The following MBNL2 variants were observed in gnomAD, a reference collection of about 807,000 sequenced individuals.
MBNL2 encodes the protein muscleblind like splicing regulator 2.
In MBNL2, 17 loss-of-function variants were observed where a neutral mutation model predicts 41.9. The observed-to-expected ratio is 0.41, with a 90% CI of 0.28 to 0.61. MBNL2 has a LOEUF of 0.61. Among genes scored for constraint, MBNL2 ranks in the 20% least tolerant of loss-of-function variants. MBNL2 has a pLI of 0.35. For synonymous variants in MBNL2, 195 were observed against 182.9 expected (o/e 1.07, Z -0.53); for missense variants, 336 against 505.6 (o/e 0.66, Z 3.22).
At chr13:97,356,081 T>G (rs913026776) in intron 5 of MBNL2, among the ~76,000 whole-genome samples, 1 of 152,352 alleles carries the variant, frequency 6.6e-6, no homozygotes, top group African/African-American at 2.4e-5. Context: ...AAACTCACTA[T>G]TTAAATTCAA....
intron 2 of MBNL2, among the ~76,000 whole-genome samples, chr13:97,307,092 G>C (rs1419432255): frequency 6.6e-6 from 1 of 152,140 alleles, no homozygotes; most frequent in East Asian, 1.9e-4. Flanking sequence ...TTTTCTGAAG[G>C]AGAGAAAGAA....
At chr13:97,195,660 T>G in the MBNL2 span, among the ~76,000 whole-genome samples, 1 of 152,294 alleles carries the variant, frequency 6.6e-6, no homozygotes, top group South Asian at 2.1e-4. Flanking sequence ...GGTACTAAAA[T>G]TATACATAAT....
At chr13:97,142,068 G>C in the MBNL2 span, among the ~76,000 whole-genome samples, 1 of 152,112 alleles carries the variant, frequency 6.6e-6, no homozygotes, top group Non-Finnish European at 1.5e-5. Context: ...ACTAGCAACC[G>C]ATAGAAATTG....
At chr13:97,332,579 T>G (rs1419955501) in intron 2 of MBNL2, among the ~76,000 whole-genome samples, 1 of 152,166 alleles carries the variant, frequency 6.6e-6, no homozygotes, top group East Asian at 1.9e-4. Flanking sequence ...ATTAAAAATT[T>G]TAAAAAGATT....
At chr13:97,378,534 G>A (rs191267474) in intron 8 of MBNL2, among the ~76,000 whole-genome samples, 3 of 152,272 alleles carry the variant, frequency 2.0e-5, no homozygotes, top group Admixed American at 1.3e-4. Flanking sequence ...TGATTAACAT[G>A]AATTGACAGT....
the MBNL2 span, among the ~76,000 whole-genome samples, chr13:97,211,938 T>A: frequency 2.0e-5 from 3 of 152,162 alleles, no homozygotes; most frequent in African/African-American, 7.2e-5. Context: ...ATGAATCTAC[T>A]GGGAAAGAGA....
At chr13:97,249,641 G>C (rs1455483028) in intron 1 of MBNL2, among the ~76,000 whole-genome samples, 1 of 152,144 alleles carries the variant, frequency 6.6e-6, no homozygotes, top group Admixed American at 6.6e-5. Context: ...TTAACATGCT[G>C]ATACATAAAT....
chr13:97,213,922 A>G, the MBNL2 span, among the ~76,000 whole-genome samples: 1 of 152,288 alleles, frequency 6.6e-6, no homozygotes, highest in Admixed American at 6.5e-5. Flanking sequence ...TGCTTCATCT[A>G]TTCCCCACGT....
At chr13:97,234,513 G>A (rs1156762280) in intron 1 of MBNL2, among the ~76,000 whole-genome samples, 1 of 152,094 alleles carries the variant, frequency 6.6e-6, no homozygotes, top group Non-Finnish European at 1.5e-5. Context: ...GGGGGGTAGT[G>A]AATAGATGAA....
intron 3 of MBNL2, among the ~76,000 whole-genome samples, chr13:97,342,475 T>C (rs2061518341): frequency 6.6e-6 from 1 of 152,238 alleles, no homozygotes. Flanking sequence ...AAAACTACAT[T>C]TGAATTTTGG....
At position 97,244,124 on chromosome 13, in the gene MBNL2, T is replaced by C. The variant is rs956331264; in HGVS notation, c.-605+21593T>C. Among the ~76,000 whole-genome samples, 4 of 152,192 alleles carry C rather than the reference T, an allele frequency of 2.6e-5. 1 individual carries two copies. Among genetic ancestry groups the C allele is most frequent in the African/African-American group, 9.7e-5 (4 of 41,442 alleles). On this transcript the variant is annotated intron_variant, in intron 1 of 8. Coordinates refer to ENST00000679496, the MANE Select transcript of MBNL2 (RefSeq NM_001382683.1). The stretch of plus-strand genomic sequence containing the variant: ...ATGGTGGTTTCAAAGTCCTCACAGT[T>C]TAAAGGCTAACTTACAGGATTAGGT...
the MBNL2 span, among the ~76,000 whole-genome samples, chr13:97,161,311 A>G: frequency 7.2e-5 from 11 of 152,284 alleles, no homozygotes; most frequent in Admixed American, 6.5e-4. Flanking sequence ...GTCCATTCTC[A>G]TTGCTTACCC....
chr13:97,144,570 C>G, the MBNL2 span, among the ~76,000 whole-genome samples: 1 of 151,868 alleles, frequency 6.6e-6, no homozygotes, highest in Admixed American at 6.6e-5. Context: ...GCTGGGATTA[C>G]AGGCATGTGC....
chr13:97,231,484 C>A (rs2042372855), intron 1 of MBNL2, among the ~76,000 whole-genome samples: 1 of 152,214 alleles, frequency 6.6e-6, no homozygotes, highest in Non-Finnish European at 1.5e-5. Flanking sequence ...CTTGGAGGAT[C>A]TTCTGGCAGT....
chr13:97,340,407 A>G (rs1566427619), intron 3 of MBNL2, among the ~76,000 whole-genome samples: 1 of 152,098 alleles, frequency 6.6e-6, no homozygotes, highest in South Asian at 2.1e-4. Flanking sequence ...ATTTTTACTC[A>G]CTTTTATACC....
chr13:97,181,269 G>T, the MBNL2 span, among the ~76,000 whole-genome samples: 1 of 152,114 alleles, frequency 6.6e-6, no homozygotes. Context: ...CATGCATTTT[G>T]CCATATAAGA....
chr13:97,156,236 A>G, the MBNL2 span, among the ~76,000 whole-genome samples: 1 of 120,698 alleles, frequency 8.3e-6, no homozygotes, highest in African/African-American at 3.3e-5. Flanking sequence ...CCACTTTTTG[A>G]TGGGGTTGTT....
chr13:97,144,150 A>T, the MBNL2 span, among the ~76,000 whole-genome samples: 112 of 150,876 alleles, frequency 7.4e-4, no homozygotes, highest in Middle Eastern at 3.5e-3. Context: ...GGCTGTGTTT[A>T]AATGATTATT....
the MBNL2 span, among the ~76,000 whole-genome samples, chr13:97,204,558 T>G: frequency 3.3e-5 from 5 of 152,240 alleles, no homozygotes; most frequent in Non-Finnish European, 7.3e-5. Flanking sequence ...GTGAAGCATT[T>G]ATTTGCATAA....
Sources: gnomAD v4.1 joint callset for allele counts (sites outside exome capture counted in the v4.1 genomes callset) on GRCh38, gnomAD v4.1.1 for gene constraint, MANE v1.5 for transcripts, NCBI Gene and HGNC (gene_info 2026-07-23, HGNC 2026-07-21) for gene names.